Variants in OR2L13 observed in about 807,000 individuals in gnomAD.
OR2L13 encodes the protein olfactory receptor 2L13.
Under a neutral mutation model 15.3 loss-of-function variants are expected in OR2L13, and 14 were observed. That is an observed-to-expected ratio of 0.91 (90% CI 0.60 to 1.43). The LOEUF is 1.43. Among genes scored for constraint, OR2L13 ranks in the 40% most tolerant of loss-of-function variants. The pLI, the probability that OR2L13 is intolerant of heterozygous loss-of-function variation, is 0.00. For missense variants in OR2L13, 367 were observed against 387.9 expected (o/e 0.95, Z 0.45); for synonymous variants, 152 against 142.9 (o/e 1.06, Z -0.45).
the OR2L13 span, among the ~76,000 whole-genome samples, chr1:248,088,345 A>G: frequency 1.3e-5 from 2 of 152,080 alleles, no homozygotes; most frequent in African/African-American, 4.8e-5. Context: ...TCAATTCCCA[A>G]CTTTACATGT....
At chr1:248,043,892 A>G in the OR2L13 span, among the ~76,000 whole-genome samples, 2 of 152,138 alleles carry the variant, frequency 1.3e-5, no homozygotes, top group Admixed American at 1.3e-4. Context: ...TAATTTTCTT[A>G]ATTAGTATAT....
the OR2L13 span, among the ~76,000 whole-genome samples, chr1:247,977,759 G>T: frequency 6.6e-6 from 1 of 152,124 alleles, no homozygotes; most frequent in Non-Finnish European, 1.5e-5. Flanking sequence ...GAAACCTCAA[G>T]TTTTCTATTT....
the OR2L13 span, among the ~76,000 whole-genome samples, chr1:248,011,359 C>T: frequency 5.9e-5 from 9 of 152,104 alleles, no homozygotes; most frequent in African/African-American, 2.2e-4. Flanking sequence ...GTAAACCAGT[C>T]TTTCTCTCTG....
At chr1:247,943,022 G>A in the OR2L13 span, among the ~76,000 whole-genome samples, 1 of 151,974 alleles carries the variant, frequency 6.6e-6, no homozygotes, top group Non-Finnish European at 1.5e-5. Context: ...ATATATTCGA[G>A]GTTCATCCAT....
exon 3 of OR2L13, chr1:248,099,899 A>G: frequency 6.2e-7 from 1 of 1,614,010 alleles, no homozygotes. Context: ...GCTATTGACC[A>G]TTTCTTCTGC....
At chr1:248,064,167 T>C in the OR2L13 span, among the ~76,000 whole-genome samples, 2 of 152,258 alleles carry the variant, frequency 1.3e-5, no homozygotes, top group East Asian at 1.9e-4. Flanking sequence ...TCCATATGCT[T>C]AAATCTTAAC....
the OR2L13 span, chr1:248,003,197 G>A: frequency 6.7e-7 from 1 of 1,485,594 alleles, no homozygotes; most frequent in Non-Finnish European, 9.4e-7. Flanking sequence ...ATCAAGAATT[G>A]GCCTTTTCCT....
chr1:248,020,408 C>A, the OR2L13 span, among the ~76,000 whole-genome samples: 1 of 152,136 alleles, frequency 6.6e-6, no homozygotes, highest in Admixed American at 6.5e-5. Flanking sequence ...TTACATAAAT[C>A]AGCAGTTCTA....
chr1:248,095,429 G>T (rs2103195277), upstream of OR2L13, among the ~76,000 whole-genome samples: 1 of 151,926 alleles, frequency 6.6e-6, no homozygotes, highest in South Asian at 2.1e-4. Flanking sequence ...CATGAATTTT[G>T]GCAGATAAAG....
the OR2L13 span, among the ~76,000 whole-genome samples, chr1:247,954,145 A>G: frequency 6.6e-6 from 1 of 152,200 alleles, no homozygotes; most frequent in Non-Finnish European, 1.5e-5. Flanking sequence ...TAGGAGATAA[A>G]GCGGGTGAGG....
the OR2L13 span, among the ~76,000 whole-genome samples, chr1:248,055,620 G>C: frequency 6.6e-6 from 1 of 152,202 alleles, no homozygotes; most frequent in Non-Finnish European, 1.5e-5. Context: ...AGCCAGGCAT[G>C]GTGTTGTGTG....
chr1:248,037,470 G>T, the OR2L13 span, among the ~76,000 whole-genome samples: 2 of 152,124 alleles, frequency 1.3e-5, no homozygotes, highest in Admixed American at 6.6e-5. Context: ...ATCTGAGATT[G>T]TGTTGGGCAT....
the OR2L13 span, among the ~76,000 whole-genome samples, chr1:248,036,307 A>G: frequency 6.6e-6 from 1 of 152,094 alleles, no homozygotes; most frequent in African/African-American, 2.4e-5. Context: ...TTAATGCGGT[A>G]TCAATTATTG....
chr1:248,065,187 C>T, the OR2L13 span, among the ~76,000 whole-genome samples: 1 of 152,150 alleles, frequency 6.6e-6, no homozygotes, highest in African/African-American at 2.4e-5. Context: ...AGCCATTTTT[C>T]TTTCCATCCA....
the OR2L13 span, among the ~76,000 whole-genome samples, chr1:247,969,456 A>T: frequency 6.6e-6 from 1 of 152,146 alleles, no homozygotes; most frequent in African/African-American, 2.4e-5. Flanking sequence ...CCCCTATGTT[A>T]TTACTAGCTC....
chr1:248,084,072 A>C, the OR2L13 span: 1 of 1,611,606 alleles, frequency 6.2e-7, no homozygotes, highest in Non-Finnish European at 8.5e-7. Flanking sequence ...CTCGCAGAAG[A>C]AGTGATCGAT....
chr1:248,000,581 T>A, the OR2L13 span, among the ~76,000 whole-genome samples: 3 of 152,162 alleles, frequency 2.0e-5, no homozygotes, highest in Non-Finnish European at 4.4e-5. Flanking sequence ...CTTTGGCAGC[T>A]TTTGGAGAAT....
chr1:248,069,669 C>T, the OR2L13 span, among the ~76,000 whole-genome samples: 12 of 152,236 alleles, frequency 7.9e-5, no homozygotes, highest in Middle Eastern at 3.4e-3. Flanking sequence ...AATTAAAAGA[C>T]ACAGACTGGC....
the OR2L13 span, among the ~76,000 whole-genome samples, chr1:248,048,221 A>G: frequency 6.6e-6 from 1 of 152,212 alleles, no homozygotes; most frequent in African/African-American, 2.4e-5. Flanking sequence ...TTGGAAGCAC[A>G]CATACACACA....
Sources: allele counts gnomAD v4.1 joint callset (sites outside exome capture counted in the v4.1 genomes callset), GRCh38; gene constraint gnomAD v4.1.1; transcripts MANE v1.5; gene names NCBI Gene and HGNC (gene_info 2026-07-23, HGNC 2026-07-21).